RBMS3: variants seen among roughly 807,000 people sequenced by gnomAD.
RBMS3 encodes the protein RNA-binding motif, single-stranded-interacting protein 3.
A neutral mutation model predicts 66.8 loss-of-function variants in RBMS3; 27 were observed. That is an observed-to-expected ratio of 0.40 (90% CI 0.30 to 0.56). The LOEUF is 0.56. RBMS3 is among the 20% of genes least tolerant of loss of function. The pLI is 0.40. For synonymous variants in RBMS3, 188 were observed against 183.0 expected, an observed-to-expected ratio of 1.03 and a Z score of -0.22; for missense variants, 513 against 549.5, an observed-to-expected ratio of 0.93 and a Z score of 0.66.
chr3:29,815,115 C>T (rs149816357), intron 6 of RBMS3, among the ~76,000 whole-genome samples: 4 of 152,314 alleles, frequency 2.6e-5, no homozygotes, highest in African/African-American at 9.6e-5. Context: ...CCCTAACACA[C>T]TCTGAAGGGA....
At chr3:29,929,897 T>A (rs902264080) in intron 10 of RBMS3, among the ~76,000 whole-genome samples, 3 of 151,814 alleles carry the variant, frequency 2.0e-5, no homozygotes, top group Non-Finnish European at 4.4e-5. Flanking sequence ...TTTGCCCCAT[T>A]TCCAAAATAA....
At chr3:29,346,772 AG>A (rs1316009692) in intron 1 of RBMS3, among the ~76,000 whole-genome samples, 1 of 152,172 alleles carries the variant, frequency 6.6e-6, no homozygotes, top group Non-Finnish European at 1.5e-5. Flanking sequence ...GAGCATTAGC[AG>A]GGGCATGTTT....
intron 6 of RBMS3, among the ~76,000 whole-genome samples, chr3:29,775,740 G>C (rs1409659617): frequency 6.6e-6 from 1 of 151,962 alleles, no homozygotes; most frequent in Non-Finnish European, 1.5e-5. Context: ...AGGTTTGCTA[G>C]TTGTAGTACA....
rs571644016 is a variant in RBMS3 at position 29,310,652 on chromosome 3, A to C, written c.75+28896A>C. ...AGATTTTCTCTTCCTGATGAACATAAAACCAAAGAAAGTCACAGGAGTGAA... is the reference window on the plus strand; with the variant it reads ...AGATTTTCTCTTCCTGATGAACATACAACCAAAGAAAGTCACAGGAGTGAA... On this transcript the variant is annotated intron_variant, in intron 1 of 14. Coordinates refer to ENST00000383767, the MANE Select transcript of RBMS3 (RefSeq NM_001003793.3). Among the ~76,000 whole-genome samples the C allele has an allele frequency of 2.0e-4, 31 of 151,812 alleles. No homozygotes were observed. In the South Asian group the frequency reaches 6.0e-3, roughly 29 times the overall value.
At chr3:29,754,938 A>G (rs2055340000) in intron 5 of RBMS3, among the ~76,000 whole-genome samples, 1 of 152,166 alleles carries the variant, frequency 6.6e-6, no homozygotes, top group African/African-American at 2.4e-5. Flanking sequence ...AGAGACAGCC[A>G]TGACTGAAGC....
At chr3:29,980,196 C>CT (rs1191858370) in intron 12 of RBMS3, among the ~76,000 whole-genome samples, 1 of 151,950 alleles carries the variant, frequency 6.6e-6, no homozygotes, top group African/African-American at 2.4e-5. Flanking sequence ...TGATGATGAG[C>CT]TTTTTTTTCA....
intron 4 of RBMS3, among the ~76,000 whole-genome samples, chr3:29,671,176 G>A (rs749500245): frequency 1.2e-4 from 19 of 152,208 alleles, no homozygotes; most frequent in Admixed American, 7.8e-4. Flanking sequence ...CAACAGACCT[G>A]CAGCTGAGGG....
intron 1 of RBMS3, among the ~76,000 whole-genome samples, chr3:29,351,861 G>A (rs1209620375): frequency 6.6e-6 from 1 of 151,542 alleles, no homozygotes; most frequent in Admixed American, 6.6e-5. Flanking sequence ...TTATATTTTA[G>A]TGTAAGCGAT....
At chr3:29,785,728 C>T (rs1251743079) in intron 6 of RBMS3, among the ~76,000 whole-genome samples, 1 of 152,018 alleles carries the variant, frequency 6.6e-6, no homozygotes, top group Non-Finnish European at 1.5e-5. Context: ...AAACCCACAG[C>T]CAACATTATA....
intron 12 of RBMS3, among the ~76,000 whole-genome samples, chr3:29,945,208 C>G (rs1329306459): frequency 2.0e-5 from 3 of 151,606 alleles, no homozygotes; most frequent in Non-Finnish European, 3.0e-5. Context: ...GAAATAGACT[C>G]AAAGACCCCA....
rs1219504090 is a variant in RBMS3, at chr3:29,687,956, G to A, written c.400-51764G>A. ...GATTATAGATATTTTGATATGTCTT[G>A]CCACAAAGGACACCAGAGTCATATT... On this transcript the variant is annotated intron_variant, in intron 4 of 14. Coordinates refer to ENST00000383767, the MANE Select transcript of RBMS3 (RefSeq NM_001003793.3). Among the ~76,000 whole-genome samples the A allele has an allele frequency of 1.4e-4, 21 of 152,136 alleles. 1 individual carries two copies. Among genetic ancestry groups the A allele is most frequent in the Admixed American group, 1.4e-3 (21 of 15,286 alleles).
intron 1 of RBMS3, among the ~76,000 whole-genome samples, chr3:29,300,939 C>G (rs538675646): frequency 1.3e-5 from 2 of 151,888 alleles, no homozygotes; most frequent in African/African-American, 4.8e-5. Flanking sequence ...CAAGGTAACC[C>G]TGAGTAAGTA....
chr3:29,681,926 C>T (rs913988700), intron 4 of RBMS3, among the ~76,000 whole-genome samples: 6 of 152,104 alleles, frequency 3.9e-5, no homozygotes, highest in African/African-American at 1.4e-4. Flanking sequence ...GAGGAACCAC[C>T]ATACTGTCTT....
At chr3:29,811,190 G>A (rs946392133) in intron 6 of RBMS3, among the ~76,000 whole-genome samples, 3 of 152,244 alleles carry the variant, frequency 2.0e-5, no homozygotes, top group Admixed American at 6.5e-5. Context: ...GTAATCTTCA[G>A]GTAATCGCTG....
intron 5 of RBMS3, among the ~76,000 whole-genome samples, chr3:29,753,272 T>C (rs1235017426): frequency 6.6e-6 from 1 of 152,162 alleles, no homozygotes. Context: ...ACGATCCCAC[T>C]TTTACATTGA....
chr3:29,439,528 C>G (rs1019922488), intron 2 of RBMS3, among the ~76,000 whole-genome samples: 3 of 152,072 alleles, frequency 2.0e-5, no homozygotes, highest in Admixed American at 6.6e-5. Flanking sequence ...ACCAAATGAA[C>G]TTCAAAAGAA....
intron 4 of RBMS3, among the ~76,000 whole-genome samples, chr3:29,654,521 C>CGT (rs56163408): frequency 0.012 from 1,428 of 118,960 alleles, 16 homozygotes; most frequent in African/African-American, 0.024. Context: ...GAATTGGATT[C>CGT]GTGTGTGTGT....
At chr3:29,431,947 C>T (rs62236872) in intron 1 of RBMS3, among the ~76,000 whole-genome samples, 18,828 of 152,004 alleles carry the variant, frequency 0.12, 1,335 homozygotes, top group South Asian at 0.18. Flanking sequence ...AGACTGGTCT[C>T]GAGCTCCTGG....
intron 1 of RBMS3, among the ~76,000 whole-genome samples, chr3:29,404,308 G>A (rs900729000): frequency 6.6e-6 from 1 of 152,084 alleles, no homozygotes; most frequent in African/African-American, 2.4e-5. Flanking sequence ...TTGTTTTTGG[G>A]ACAGTGGTTT....
Sources: allele counts gnomAD v4.1 joint callset (sites outside exome capture counted in the v4.1 genomes callset), GRCh38; gene constraint gnomAD v4.1.1; transcripts MANE v1.5; gene names NCBI Gene and HGNC (gene_info 2026-07-23, HGNC 2026-07-21).